Variants in REST observed in about 807,000 individuals in gnomAD.
The protein encoded by REST is RE1 silencing transcription factor, also known as RE1-silencing transcription factor.
A neutral mutation model predicts 30.4 loss-of-function variants in REST; 1 was observed. The ratio of observed to expected loss-of-function variants is 0.03; its 90% CI spans 0.01 to 0.16. REST has a LOEUF of 0.16. Among genes scored for constraint, REST ranks in the 10% least tolerant of loss-of-function variants. The pLI is 1.00. For synonymous variants in REST, 504 were observed against 451.1 expected, an observed-to-expected ratio of 1.12 and a Z score of -1.49; for missense variants, 1,259 against 1,329.5, an observed-to-expected ratio of 0.95 and a Z score of 0.82.
In REST at chr4:56,919,855, A is replaced by G. The variant is rs1173497088; in HGVS notation, c.967A>G (p.Met323Val). The change falls in exon 3 of 4, where the codon ATG becomes GTG. Residue 323 changes from methionine to valine, a missense_variant. Met to Val is a conservative substitution (Grantham distance 21). Around this residue, in one of 5 missense-constraint regions of REST, gnomAD observed 125 missense variants for 255.4 expected, o/e 0.49. Coordinates refer to ENST00000309042, the MANE Select transcript of REST (RefSeq NM_005612.5). The stretch of plus-strand genomic sequence containing the variant: ...TCAGAAGACTCATCTAACTAGACAT[A>G]TGCGTACTCATTCAGGTTGGTAAGA... ...SSQKTHLTRH[M>V]RTHSGEKPFK... The G allele has an allele frequency of 1.3e-6, 2 of 1,584,392 alleles. No homozygotes were observed. The highest frequency in any genetic ancestry group is 1.7e-5 in the Admixed American group (1 of 58,938).
In REST at chr4:56,930,827, G is replaced by C. The variant is rs548739943; in HGVS notation, c.1969G>C (p.Val657Leu). ...TGACGAGCCTGTTCAGATGGAGGTG[G>C]TTCAGGAGGGGCCTGCTCAGAAGGA... ...APDEPVQMEV[V>L]QEGPAQKELL... Residue 657 changes from valine (V) to leucine (L), a missense_variant, in exon 4 of 4, where the codon GTT (valine) becomes CTT (leucine). Coordinates refer to ENST00000309042, the MANE Select transcript of REST (RefSeq NM_005612.5). The C allele has an allele frequency of 6.2e-7, 1 of 1,611,412 alleles. No individual in the cohort carries two copies. The highest frequency in any genetic ancestry group is 8.5e-7 in the Non-Finnish European group (1 of 1,178,526).
intron 1 of REST, among the ~76,000 whole-genome samples, chr4:56,910,068 A>C (rs1719826219): frequency 6.6e-6 from 1 of 152,184 alleles, no homozygotes; most frequent in South Asian, 2.1e-4. Flanking sequence ...ACTTTTTCAC[A>C]GTAGTTTATT....
In REST at chr4:56,910,764, C is replaced by T. The variant is rs1239430859; in HGVS notation, c.126C>T (p.Ala42=). 3 of 1,614,128 alleles carry T rather than the reference C, an allele frequency of 1.9e-6. No individual in the cohort carries two copies. The highest frequency in any genetic ancestry group is 2.2e-5 in the South Asian group (2 of 91,078). The change falls in exon 2 of 4, where the codon GCC becomes GCT. Residue 42 remains alanine, a synonymous_variant. Coordinates refer to ENST00000309042, the MANE Select transcript of REST (RefSeq NM_005612.5). Reference sequence around the variant, plus strand: ...ATGACCTTTCCAAAGCTGAACTGGCCGCACCTCAGCTTATTATGCTGGCAA... The same window carrying T: ...ATGACCTTTCCAAAGCTGAACTGGCTGCACCTCAGCTTATTATGCTGGCAA... ...DLHDLSKAEL[A]APQLIMLANV...
chr4:56,920,729 G>A (rs771222742), intron 3 of REST, among the ~76,000 whole-genome samples: 1 of 151,904 alleles, frequency 6.6e-6, no homozygotes, highest in East Asian at 1.9e-4. Flanking sequence ...CATCAAGAGC[G>A]AAACTCTATC....
chr4:56,911,118 C>T lies in REST; in HGVS notation c.480C>T (p.Arg160=). 1 of 1,614,226 alleles carries T rather than the reference C, an allele frequency of 6.2e-7. No homozygotes were observed. Among genetic ancestry groups the T allele is most frequent in the Non-Finnish European group, 8.5e-7 (1 of 1,180,054 alleles). ...KGKSSKTKPF[R]CKPCQYEAES... ...AGAGCTCGAAGACCAAACCCTTTCG[C>T]TGTAAGCCATGCCAATATGAAGCAG... The change falls in exon 2 of 4, where the codon CGC becomes CGT. Residue 160 remains arginine, a synonymous_variant. Coordinates refer to ENST00000309042, the MANE Select transcript of REST (RefSeq NM_005612.5).
intron 2 of REST, among the ~76,000 whole-genome samples, chr4:56,918,741 C>T (rs1039979823): frequency 6.6e-6 from 1 of 151,904 alleles, no homozygotes; most frequent in African/African-American, 2.4e-5. Context: ...ACAATCATGG[C>T]TCACACCAGC....
At chr4:56,922,938 T>C (rs969002893) in intron 3 of REST, among the ~76,000 whole-genome samples, 6 of 152,254 alleles carry the variant, frequency 3.9e-5, no homozygotes, top group African/African-American at 1.4e-4. Context: ...CTACATACTT[T>C]TATCCTTTCG....
rs763298291 is a variant in REST at position 56,931,339 on chromosome 4, G to C, written c.2481G>C (p.Gln827His). The change falls in exon 4 of 4, where the codon CAG becomes CAC. Residue 827 changes from glutamine to histidine, a missense_variant. Transcript: ENST00000309042. ...ATAAAAAGGAAAAGTCTAACATGCA[G>C]AGTGAAAGGGCACGGAAGGAGCAAG... ...RKDKKEKSNM[Q>H]SERARKEQVL... is the part of the protein sequence containing the mutation. 1.2e-5 allele frequency: 20 copies of C among 1,614,266 alleles called. No individual in the cohort carries two copies. Among genetic ancestry groups the C allele is most frequent in the Non-Finnish European group, 1.7e-5 (20 of 1,180,050 alleles).
At chr4:56,915,604 T>G (rs561004040) in intron 2 of REST, among the ~76,000 whole-genome samples, 1 of 152,212 alleles carries the variant, frequency 6.6e-6, no homozygotes, top group Non-Finnish European at 1.5e-5. Context: ...ATATTTTGAT[T>G]ATGTAAATTC....
rs1262833069 is a variant in REST, at chr4:56,916,623, C to T, written c.899-3164C>T. Among the ~76,000 whole-genome samples, 4 of 151,932 alleles carry T rather than the reference C, an allele frequency of 2.6e-5. No homozygotes were observed. The East Asian group carries it at 7.7e-4, about 29-fold the overall frequency. ...CTGCACTCCAGCCTGGGCGACAGAG[C>T]GAGACTGCGTCTCAAAAAAAAATAA... On this transcript the variant is annotated intron_variant, in intron 2 of 3. Transcript: ENST00000309042.
intron 3 of REST, among the ~76,000 whole-genome samples, chr4:56,927,265 G>A (rs374727246): frequency 4.6e-5 from 7 of 152,214 alleles, no homozygotes; most frequent in African/African-American, 9.6e-5. Flanking sequence ...CTATGTCCAC[G>A]TATGTTAAAA....
chr4:56,930,787 G>T lies in REST; in HGVS notation c.1929G>T (p.Gln643His). ...PMEHAQMEGA[Q>H]IRPAPDEPVQ... ...AGCATGCTCAGATGGAGGGTGCCCA[G>T]ATACGGCCTGCTCCTGACGAGCCTG... The change falls in exon 4 of 4, where the codon CAG becomes CAT. Residue 643 changes from glutamine to histidine, a missense_variant. Transcript: ENST00000309042. 6.2e-7 allele frequency: 1 copy of T among 1,605,980 alleles called. No individual in the cohort carries two copies. The highest frequency in any genetic ancestry group is 1.1e-5 in the South Asian group (1 of 90,240).
chr4:56,910,907 GAGA>G lies in REST; in HGVS notation c.272_274del (p.Glu91del), dbSNP rs1719866797. ...AACAACTTTTCAGATAGTGAAGAAG[GAGA>G]AGGACTTGAAGAGTCTGCTGATATA... On this transcript the variant is annotated inframe_deletion, in exon 2 of 4. Transcript: ENST00000309042. 1.2e-6 allele frequency: 2 copies of G among 1,614,194 alleles called. No individual in the cohort carries two copies. Among genetic ancestry groups the G allele is most frequent in the East Asian group, 4.5e-5 (2 of 44,890 alleles).
At chr4:56,917,073 A>G (rs1316903039) in intron 2 of REST, among the ~76,000 whole-genome samples, 1 of 152,208 alleles carries the variant, frequency 6.6e-6, no homozygotes, top group Non-Finnish European at 1.5e-5. Flanking sequence ...TGAAGTCTTC[A>G]TCTCCTTGTG....
At chr4:56,927,683 T>C (rs1320089942) in intron 3 of REST, 1 of 1,187,708 alleles carries the variant, frequency 8.4e-7, no homozygotes, top group Non-Finnish European at 1.1e-6. Context: ...TCAGGTAGAA[T>C]GTATTACTCT....
Position 56,933,034 on chromosome 4 carries a change from CTA to C in REST, c.*884_*885del, listed in dbSNP as rs1350860021. On this transcript the variant is annotated 3_prime_UTR_variant, in exon 4 of 4. Coordinates refer to ENST00000309042, the MANE Select transcript of REST (RefSeq NM_005612.5). Reference sequence around the variant, plus strand: ...AGCAAATGAAATATGCAGGTTCAATCTATTGATTTTGATTTTTACATCTTATA... The same window carrying C: ...AGCAAATGAAATATGCAGGTTCAATCTTGATTTTGATTTTTACATCTTATA... 1 of 151,796 alleles carries C rather than the reference CTA, an allele frequency of 6.6e-6. No individual in the cohort carries two copies. Among genetic ancestry groups the C allele is most frequent in the African/African-American group, 2.4e-5 (1 of 41,296 alleles). 9.4% of individuals were successfully genotyped at this position (151,796 alleles called of 1,614,324 possible).
In REST at chr4:56,934,156, A is replaced by ATCT. The variant is rs1721071596; in HGVS notation, c.*2006_*2007insTTC. The ATCT allele has an allele frequency of 2.0e-5, 3 of 152,358 alleles. No homozygotes were observed. The South Asian group carries it at 6.2e-4, about 32-fold the overall frequency. 9.4% of individuals were successfully genotyped at this position (152,358 alleles called of 1,614,324 possible). ...CTCCGACAATCATTGTCAACAGAAGATCAAGCTGCAAATATTTATGTTTTA... is the reference window on the plus strand; with the variant it reads ...CTCCGACAATCATTGTCAACAGAAGATCTTCAAGCTGCAAATATTTATGTTTTA... On this transcript the variant is annotated 3_prime_UTR_variant, in exon 4 of 4. Transcript: ENST00000309042.
In REST at chr4:56,932,122, T is replaced by C. The variant is rs1159299820; in HGVS notation, c.3264T>C (p.Tyr1088=). The change falls in exon 4 of 4, where the codon TAT becomes TAC. Residue 1088 remains tyrosine, a synonymous_variant. Coordinates refer to ENST00000309042, the MANE Select transcript of REST (RefSeq NM_005612.5). ...HLNRHLVNVY[Y]LEEAAQGQE ...ATCGCCATTTGGTTAATGTGTACTA[T>C]CTTGAAGAAGCAGCTCAAGGGCAGG... The C allele has an allele frequency of 6.2e-7, 1 of 1,611,204 alleles. No individual in the cohort carries two copies. The highest frequency in any genetic ancestry group is 1.1e-5 in the South Asian group (1 of 90,840).
intron 3 of REST, among the ~76,000 whole-genome samples, chr4:56,928,583 T>C (rs1328509996): frequency 7.2e-6 from 1 of 138,012 alleles, no homozygotes; most frequent in Non-Finnish European, 1.6e-5. Context: ...GCCTGGCTAA[T>C]TTTTTTTTTT....
Sources: gnomAD v4.1 joint callset for allele counts (sites outside exome capture counted in the v4.1 genomes callset) on GRCh38, gnomAD v4.1.1 for gene constraint, gnomAD v4.1.1 regional missense constraint, MANE v1.5 for transcripts, NCBI Gene and HGNC (gene_info 2026-07-23, HGNC 2026-07-21) for gene names.